Variants in MARCHF7 observed in about 807,000 individuals in gnomAD.
MARCHF7 encodes the protein membrane associated ring-CH-type finger 7, also known as E3 ubiquitin-protein ligase MARCHF7.
MARCHF7 carries 20 observed loss-of-function variants against 76.5 expected under a neutral mutation model. The observed-to-expected ratio is 0.26, with a 90% CI of 0.18 to 0.38. MARCHF7 has a LOEUF of 0.38. MARCHF7 is among the 10% of genes least tolerant of loss of function. MARCHF7 has a pLI of 1.00. For missense variants in MARCHF7, 797 were observed against 812.9 expected, an observed-to-expected ratio of 0.98 and a Z score of 0.24; for synonymous variants, 295 against 293.0, an observed-to-expected ratio of 1.01 and a Z score of -0.07.
rs1230064488 is a variant in MARCHF7 at position 159,769,307 on chromosome 2, A to G, written c.*1965A>G. 6.6e-6 allele frequency: 1 copy of G among 152,190 alleles called. No individual in the cohort carries two copies. Among genetic ancestry groups the G allele is most frequent in the Non-Finnish European group, 1.5e-5 (1 of 68,040 alleles). The allele number at this position is 152,190 out of a possible 1,614,324, so 9.4% of individuals were successfully genotyped here. ...GTGTAATCCAATTATCTCTTCACTAATGAGTAGATAAGGTGCCTGTTATAG... is the reference window on the plus strand; with the variant it reads ...GTGTAATCCAATTATCTCTTCACTAGTGAGTAGATAAGGTGCCTGTTATAG... On this transcript the variant is annotated 3_prime_UTR_variant, in exon 12 of 12. Transcript: ENST00000409175.
intron 3 of MARCHF7, among the ~76,000 whole-genome samples, chr2:159,722,805 A>C (rs148251499): frequency 1.3e-3 from 202 of 152,370 alleles, no homozygotes; most frequent in Admixed American, 2.2e-3. Context: ...CAATTTATGT[A>C]GAGGAGTTGC....
At chr2:159,735,281 A>G (rs2125464262) in intron 4 of MARCHF7, among the ~76,000 whole-genome samples, 1 of 152,360 alleles carries the variant, frequency 6.6e-6, no homozygotes, top group South Asian at 2.1e-4. Context: ...GTTCCTGTGC[A>G]TTACATGATT....
intron 4 of MARCHF7, chr2:159,732,913 G>C: frequency 6.1e-6 from 6 of 985,210 alleles, no homozygotes; most frequent in Non-Finnish European, 7.2e-6. Context: ...CTATATGTGA[G>C]ATGTAAGATG....
chr2:159,718,704 A>G (rs997088185), intron 3 of MARCHF7, among the ~76,000 whole-genome samples: 1 of 152,162 alleles, frequency 6.6e-6, no homozygotes, highest in Non-Finnish European at 1.5e-5. Context: ...AGCTTTAATC[A>G]TAAGTAGGGT....
At chr2:159,761,862 TTAA>T (rs2125718597) in intron 9 of MARCHF7, among the ~76,000 whole-genome samples, 1 of 152,320 alleles carries the variant, frequency 6.6e-6, no homozygotes, top group African/African-American at 2.4e-5. Context: ...GATTAGATTA[TTAA>T]TAATACTATA....
intron 4 of MARCHF7, among the ~76,000 whole-genome samples, chr2:159,738,162 A>G (rs533786951): frequency 2.0e-5 from 3 of 152,298 alleles, no homozygotes; most frequent in African/African-American, 4.8e-5. Context: ...CTGGTGCCCT[A>G]TGAGGCTGTG....
At chr2:159,732,221 A>G (rs1702894844) in intron 4 of MARCHF7, among the ~76,000 whole-genome samples, 1 of 152,226 alleles carries the variant, frequency 6.6e-6, no homozygotes, top group African/African-American at 2.4e-5. Context: ...ATTCTGTTCC[A>G]AAATTTTCAT....
At chr2:159,760,704 T>C (rs546616959) in intron 9 of MARCHF7, among the ~76,000 whole-genome samples, 7 of 122,840 alleles carry the variant, frequency 5.7e-5, no homozygotes, top group African/African-American at 2.3e-4. Context: ...AAGGCAGTTT[T>C]TTCCTTTTTT....
intron 3 of MARCHF7, among the ~76,000 whole-genome samples, chr2:159,727,868 A>G (rs1702352719): frequency 6.6e-6 from 1 of 152,250 alleles, no homozygotes; most frequent in Non-Finnish European, 1.5e-5. Flanking sequence ...GGCATAGGTA[A>G]TCATTACTTT....
rs371879080 is a variant in MARCHF7 at position 159,748,364 on chromosome 2, A to G, written c.1074A>G (p.Ser358=). ...FRFLRRRWGL[S]SLSHNHSSES... The stretch of plus-strand genomic sequence containing the variant: ...TTCTTAGGCGAAGATGGGGTTTGTC[A>G]TCTCTTAGCCACAATCATAGCTCTG... Residue 358 remains serine, a synonymous_variant, in exon 7 of 12, where the codon TCA becomes TCG. Coordinates refer to ENST00000409175, the MANE Select transcript of MARCHF7 (RefSeq NM_001282805.2). 8 of 1,613,730 alleles carry G rather than the reference A, an allele frequency of 5.0e-6. No homozygotes were observed. The highest frequency in any genetic ancestry group is 1.3e-5 in the African/African-American group (1 of 74,922).
At chr2:159,749,822 T>A (rs1487631649) in intron 7 of MARCHF7, among the ~76,000 whole-genome samples, 1 of 152,198 alleles carries the variant, frequency 6.6e-6, no homozygotes, top group Non-Finnish European at 1.5e-5. Context: ...ACAAAAACCT[T>A]AATGTCTTAC....
chr2:159,764,430 T>C (rs1347346275), intron 10 of MARCHF7, among the ~76,000 whole-genome samples, 196 bp from the exon 11 acceptor site: 1 of 152,138 alleles, frequency 6.6e-6, no homozygotes, highest in South Asian at 2.1e-4. Context: ...TACATGATTA[T>C]AAAGATTATA....
In MARCHF7 at chr2:159,764,671, G is replaced by A. The variant is rs1248317515; in HGVS notation, c.2053G>A (p.Glu685Lys). The A allele has an allele frequency of 1.9e-6, 3 of 1,599,854 alleles. No homozygotes were observed. The highest frequency in any genetic ancestry group is 2.6e-6 in the Non-Finnish European group (3 of 1,173,714). Residue 685 changes from glutamate (E) to lysine (K), a missense_variant, in exon 11 of 12, where the codon GAA (glutamate) becomes AAA (lysine). Coordinates refer to ENST00000409175, the MANE Select transcript of MARCHF7 (RefSeq NM_001282805.2). ...RTLQAHMEDLETSEDDSEEDG... is the reference protein window; with the variant it reads ...RTLQAHMEDLKTSEDDSEEDG... ...TCTTCAGGCACATATGGAAGATCTC[G>A]AAAGTAGGTGGAATTTCCCCTCCCC...
intron 3 of MARCHF7, among the ~76,000 whole-genome samples, chr2:159,719,281 A>C (rs1228459039): frequency 6.6e-6 from 1 of 152,094 alleles, no homozygotes; most frequent in Admixed American, 6.6e-5. Flanking sequence ...CCTCGCCTCA[A>C]GCAATCCTGC....
intron 6 of MARCHF7, among the ~76,000 whole-genome samples, chr2:159,746,873 A>G (rs1157113229): frequency 1.3e-5 from 2 of 152,178 alleles, no homozygotes; most frequent in African/African-American, 4.8e-5. Context: ...TACTGGGGGA[A>G]ATCTTTATTT....
At chr2:159,744,405 C>T (rs942759646) in intron 5 of MARCHF7, among the ~76,000 whole-genome samples, 1 of 152,148 alleles carries the variant, frequency 6.6e-6, no homozygotes, top group Admixed American at 6.5e-5. Flanking sequence ...CATAAAGCTT[C>T]ATGCCTGGTA....
At chr2:159,716,359 C>T (rs773231370) in intron 3 of MARCHF7, among the ~76,000 whole-genome samples, 1 of 151,686 alleles carries the variant, frequency 6.6e-6, no homozygotes, top group Non-Finnish European at 1.5e-5. Context: ...TGAAATATTG[C>T]ATTGGGGCTG....
At chr2:159,720,321 G>A (rs1202182954) in intron 3 of MARCHF7, among the ~76,000 whole-genome samples, 1 of 152,234 alleles carries the variant, frequency 6.6e-6, no homozygotes. Flanking sequence ...ACTGCACCCA[G>A]CCATGGAGGA....
intron 8 of MARCHF7, among the ~76,000 whole-genome samples, chr2:159,753,619 A>G (rs1012845371): frequency 2.0e-5 from 3 of 152,140 alleles, no homozygotes; most frequent in Non-Finnish European, 4.4e-5. Flanking sequence ...TAAAGGCCCA[A>G]ATCTTGGATT....
Sources: allele counts gnomAD v4.1 joint callset (sites outside exome capture counted in the v4.1 genomes callset), GRCh38; gene constraint gnomAD v4.1.1; transcripts MANE v1.5; gene names NCBI Gene and HGNC (gene_info 2026-07-23, HGNC 2026-07-21).